Variants in RAB12 observed in about 807,000 individuals in gnomAD.
RAB12 encodes ras-related protein Rab-12.
A neutral mutation model predicts 28.4 loss-of-function variants in RAB12; 11 were observed. That is an observed-to-expected ratio of 0.39 (90% confidence interval 0.24 to 0.64). The LOEUF (loss-of-function observed/expected upper bound fraction) is 0.64, where lower values mean the gene tolerates loss of function less well. RAB12 is among the 30% of genes least tolerant of loss of function. The pLI, the probability that RAB12 is intolerant of heterozygous loss-of-function variation, is 0.50. For missense variants in RAB12, 276 were observed against 351.1 expected (o/e 0.79, Z 1.71); for synonymous variants, 138 against 145.3 (o/e 0.95, Z 0.36).
At position 8,638,441 on chromosome 18, in the gene RAB12, A is replaced by T; in HGVS notation, c.*179A>T. On this transcript the variant is annotated 3_prime_UTR_variant, in exon 6 of 6. Transcript: ENST00000649141. ...GGTAAGTTTTGGTTATAAGTTACCT[A>T]TTTCCCTCCAAATTATTATATTTCA... 1 of 571,186 alleles carries T rather than the reference A, an allele frequency of 1.8e-6. No individual in the cohort carries two copies. The highest frequency in any genetic ancestry group is 3.0e-5 in the East Asian group (1 of 33,610). 35.4% of individuals were successfully genotyped at this position (571,186 alleles called of 1,614,324 possible). A position where few individuals can be genotyped will look rare whatever the true frequency, so the allele number is the denominator to read the frequency against.
chr18:8,625,054 A>G (rs1477085046), intron 2 of RAB12, 56 bp downstream of exon 2: 4 of 1,112,610 alleles, frequency 3.6e-6, no homozygotes, highest in African/African-American at 1.6e-5. Context: ...CAGTCCATGT[A>G]CTTGTCTAAT....
intron 5 of RAB12, among the ~76,000 whole-genome samples, chr18:8,636,687 A>C (rs2096019146): frequency 6.6e-6 from 1 of 152,186 alleles, no homozygotes; most frequent in South Asian, 2.1e-4. Context: ...GTGAGAATTC[A>C]GTTGGAGACC....
chr18:8,611,000 G>A (rs1196884320), intron 1 of RAB12, among the ~76,000 whole-genome samples: 1 of 152,190 alleles, frequency 6.6e-6, no homozygotes, highest in Non-Finnish European at 1.5e-5. Context: ...TAACAAAACA[G>A]TACTACATTT....
intron 1 of RAB12, among the ~76,000 whole-genome samples, chr18:8,613,939 G>A (rs575041810): frequency 3.2e-4 from 49 of 152,226 alleles, no homozygotes; most frequent in Admixed American, 9.2e-4. Flanking sequence ...AGTTATCCCC[G>A]TTTTACAGAT....
At chr18:8,635,381 C>T in intron 3 of RAB12, 152 bp from the exon 4 acceptor site, 1 of 600,704 alleles carries the variant, frequency 1.7e-6, no homozygotes, top group Non-Finnish European at 2.9e-6. Flanking sequence ...CACTGCTGCC[C>T]AGTCCTGCCT....
chr18:8,629,654 C>T (rs1344963680), intron 2 of RAB12, among the ~76,000 whole-genome samples: 2 of 152,184 alleles, frequency 1.3e-5, no homozygotes, highest in Admixed American at 1.3e-4. Flanking sequence ...ATGAATTTGC[C>T]AGTGAGCTTT....
chr18:8,629,973 T>G (rs2096015017), intron 2 of RAB12, among the ~76,000 whole-genome samples: 1 of 152,242 alleles, frequency 6.6e-6, no homozygotes, highest in South Asian at 2.1e-4. Context: ...CAAGTGTTAG[T>G]CCTTCCTGAT....
intron 5 of RAB12, among the ~76,000 whole-genome samples, chr18:8,637,474 T>C (rs2096019599): frequency 6.6e-6 from 1 of 152,226 alleles, no homozygotes; most frequent in African/African-American, 2.4e-5. Flanking sequence ...CTGGGCATTG[T>C]TCATGTTGTG....
intron 2 of RAB12, among the ~76,000 whole-genome samples, chr18:8,625,368 A>G (rs558267267): frequency 2.0e-5 from 3 of 152,294 alleles, no homozygotes; most frequent in Admixed American, 2.0e-4. Flanking sequence ...AGAAAGCCCA[A>G]TATGTTCATA....
At chr18:8,620,770 G>A (rs143556848) in intron 1 of RAB12, among the ~76,000 whole-genome samples, 1 of 152,220 alleles carries the variant, frequency 6.6e-6, no homozygotes, top group African/African-American at 2.4e-5. Flanking sequence ...TAGCCTGTCG[G>A]GGAGGCCAGC....
intron 1 of RAB12, among the ~76,000 whole-genome samples, chr18:8,614,516 AAAG>A (rs1423393022): frequency 7.1e-6 from 1 of 141,572 alleles, no homozygotes; most frequent in Non-Finnish European, 1.6e-5. Flanking sequence ...AAAAAAAAAA[AAAG>A]AAAAAAAAAA....
chr18:8,616,228 T>TAA lies in RAB12; in HGVS notation c.514+6276_514+6277dup, dbSNP rs1378075865. Among the ~76,000 whole-genome samples the TAA allele has an allele frequency of 2.0e-5, 3 of 152,226 alleles. No individual in the cohort carries two copies. The East Asian group carries it at 5.8e-4, about 29-fold the overall frequency. ...AGGTGAGTCACGGAGGTAGCCATAA[T>TAA]AAGTGTTAGAAAAGAGTGCCTCCTG... On this transcript the variant is annotated intron_variant, in intron 1 of 5. Transcript: ENST00000649141.
chr18:8,634,366 C>T (rs1196293086), intron 3 of RAB12, among the ~76,000 whole-genome samples: 1 of 151,080 alleles, frequency 6.6e-6, no homozygotes, highest in Non-Finnish European at 1.5e-5. Context: ...AGGCGGGGCC[C>T]CTGCCCCAGC....
At chr18:8,612,340 C>G (rs1331316516) in intron 1 of RAB12, among the ~76,000 whole-genome samples, 1 of 152,222 alleles carries the variant, frequency 6.6e-6, no homozygotes, top group East Asian at 1.9e-4. Flanking sequence ...AAATATGGTA[C>G]TGGGTGTGGT....
intron 1 of RAB12, among the ~76,000 whole-genome samples, chr18:8,623,873 G>GT (rs2096011239): frequency 6.6e-6 from 1 of 152,234 alleles, no homozygotes; most frequent in Admixed American, 6.5e-5. Flanking sequence ...CTGCCCCAGG[G>GT]CTGTAAACAT....
chr18:8,627,900 T>G (rs1453711259), intron 2 of RAB12, among the ~76,000 whole-genome samples: 1 of 152,146 alleles, frequency 6.6e-6, no homozygotes, highest in Non-Finnish European at 1.5e-5. Context: ...AAATTAGTAA[T>G]TAAATAATTT....
intron 1 of RAB12, among the ~76,000 whole-genome samples, chr18:8,619,338 G>A (rs11876907): frequency 0.17 from 26,478 of 152,186 alleles, 4,797 homozygotes; most frequent in African/African-American, 0.46. Flanking sequence ...AGAAGTTTCC[G>A]TGTGTTTTTG....
At chr18:8,636,202 G>C in intron 4 of RAB12, 51 bp from the exon 5 acceptor site, 1 of 1,243,894 alleles carries the variant, frequency 8.0e-7, no homozygotes, top group Non-Finnish European at 1.2e-6. Flanking sequence ...ATGCTCGCAC[G>C]CTGGTCTGTG....
At chr18:8,621,329 T>G (rs1028511622) in intron 1 of RAB12, among the ~76,000 whole-genome samples, 14 of 152,360 alleles carry the variant, frequency 9.2e-5, no homozygotes, top group African/African-American at 3.4e-4. Flanking sequence ...ATAAGAAAGT[T>G]TTTAGAAATG....
Sources: allele counts gnomAD v4.1 joint callset (sites outside exome capture counted in the v4.1 genomes callset), GRCh38; gene constraint gnomAD v4.1.1; transcripts MANE v1.5; gene names NCBI Gene and HGNC (gene_info 2026-07-23, HGNC 2026-07-21).